Variants in FGF12 observed in about 807,000 individuals in gnomAD.
FGF12 encodes the protein fibroblast growth factor 12, also known as fibroblast growth factor 12B.
FGF12 carries 14 observed loss-of-function variants against 23.6 expected under a neutral mutation model. The ratio of observed to expected loss-of-function variants is 0.59; its 90% CI spans 0.39 to 0.93. FGF12 has a LOEUF of 0.93. FGF12 is among the 40% of genes least tolerant of loss of function. The pLI, the probability that FGF12 is intolerant of heterozygous loss-of-function variation, is 0.00. For synonymous variants in FGF12, 62 were observed against 77.3 expected, an observed-to-expected ratio of 0.80 and a Z score of 1.04; for missense variants, 175 against 217.8, an observed-to-expected ratio of 0.80 and a Z score of 1.24.
intron 4 of FGF12, among the ~76,000 whole-genome samples, chr3:192,327,428 T>C (rs746943180): frequency 6.6e-6 from 1 of 151,854 alleles, no homozygotes; most frequent in Non-Finnish European, 1.5e-5. Flanking sequence ...AAAAACTGTG[T>C]TCGCACAATT....
At chr3:192,229,934 T>C (rs911089910) in intron 4 of FGF12, among the ~76,000 whole-genome samples, 7 of 150,808 alleles carry the variant, frequency 4.6e-5, no homozygotes, top group African/African-American at 1.2e-4. Context: ...CTTTACATAA[T>C]TGTTGTAAAA....
chr3:192,476,664 A>G (rs970402297), intron 2 of FGF12, among the ~76,000 whole-genome samples: 1 of 152,234 alleles, frequency 6.6e-6, no homozygotes, highest in Non-Finnish European at 1.5e-5. Flanking sequence ...GAGAACAAAG[A>G]AGCAAAATGG....
At chr3:192,170,410 T>TCAA in intron 5 of FGF12, 48 bp downstream of exon 5, 1 of 1,520,398 alleles carries the variant, frequency 6.6e-7, no homozygotes, top group Non-Finnish European at 9.1e-7. Context: ...AGAATTGATG[T>TCAA]CAACACACAG....
At chr3:192,673,395 A>G (rs980106403) in intron 2 of FGF12, 11 of 151,292 alleles carry the variant, frequency 7.3e-5, no homozygotes, top group African/African-American at 2.2e-4. Flanking sequence ...ATTGTATTTT[A>G]TTTTAGGTTC....
chr3:192,472,834 A>G (rs1451301259), intron 2 of FGF12, among the ~76,000 whole-genome samples: 1 of 152,114 alleles, frequency 6.6e-6, no homozygotes, highest in South Asian at 2.1e-4. Context: ...CTGTGTCTCC[A>G]TGATTTCGAG....
intron 4 of FGF12, among the ~76,000 whole-genome samples, chr3:192,323,694 G>C (rs917121686): frequency 6.6e-6 from 1 of 152,156 alleles, no homozygotes; most frequent in African/African-American, 2.4e-5. Flanking sequence ...ACCTAAAAGA[G>C]TATAATTGAA....
chr3:192,158,350 CTTTCTT>C (rs745696543), intron 5 of FGF12, among the ~76,000 whole-genome samples: 1 of 96,196 alleles, frequency 1.0e-5, no homozygotes, highest in Non-Finnish European at 2.2e-5. Context: ...TTCTTTCTTT[CTTTCTT>C]TCTTTCTTTC....
Position 192,408,282 on chromosome 3 carries a change from G to A in FGF12, c.14-47744C>T, listed in dbSNP as rs113738327. On this transcript the variant is annotated intron_variant, in intron 2 of 5. Transcript: ENST00000445105. The surrounding 1 kb of genome is among the most constrained non-coding windows in gnomAD (Gnocchi z 7.3). Reference sequence around the variant, plus strand: ...TACTGCGCCCTCCGGCTTGCGCTCCGCCGGGGCGAGGGCAGGACCTGGGCG... The same window carrying A: ...TACTGCGCCCTCCGGCTTGCGCTCCACCGGGGCGAGGGCAGGACCTGGGCG... The A allele has an allele frequency of 3.9e-4, 585 of 1,494,468 alleles. 2 individuals carry two copies. The African/African-American group carries it at 7.5e-3, about 19-fold the overall frequency. 92.6% of individuals were successfully genotyped at this position (1,494,468 alleles called of 1,614,324 possible). A position where few individuals can be genotyped will look rare whatever the true frequency, so the allele number is the denominator to read the frequency against.
Position 192,563,997 on chromosome 3 carries a change from G to A in FGF12, c.13+163184C>T, listed in dbSNP as rs921532623. On this transcript the variant is annotated intron_variant, in intron 2 of 5. Coordinates refer to ENST00000445105, the MANE Select transcript of FGF12 (RefSeq NM_004113.6). ...AGTGTTCAACCTGTCCATATATTAG[G>A]AGGCACCAAGGCTTAAAATTAGACT... Among the ~76,000 whole-genome samples the A allele has an allele frequency of 3.3e-5, 5 of 152,108 alleles. No homozygotes were observed. The East Asian group carries it at 9.7e-4, about 29-fold the overall frequency.
intron 2 of FGF12, among the ~76,000 whole-genome samples, chr3:192,405,657 C>A (rs144360536): frequency 0.017 from 2,390 of 138,848 alleles, 71 homozygotes; most frequent in African/African-American, 0.058. Context: ...AAAACAGATT[C>A]GAATAGTTTT....
At chr3:192,625,718 A>T (rs969820936) in intron 2 of FGF12, among the ~76,000 whole-genome samples, 2 of 152,208 alleles carry the variant, frequency 1.3e-5, no homozygotes, top group Non-Finnish European at 2.9e-5. Context: ...AGGTGTCTAG[A>T]TTATCCCAAA....
At chr3:192,340,867 AC>A (rs1717657903) in intron 3 of FGF12, among the ~76,000 whole-genome samples, 1 of 152,174 alleles carries the variant, frequency 6.6e-6, no homozygotes, top group Admixed American at 6.5e-5. Context: ...TAGGAAAAAA[AC>A]ATAGGGGAAA....
At position 192,229,728 on chromosome 3, in the gene FGF12, T is replaced by C. The variant is rs73887263; in HGVS notation, c.229-59072A>G. 2.4e-3 allele frequency among the ~76,000 whole-genome samples: 361 copies of C among 152,184 alleles called. 2 individuals carry two copies. Among genetic ancestry groups the C allele is most frequent in the African/African-American group, 8.6e-3 (359 of 41,560 alleles). ...AAGTAATTTGAATGGTCATGGAAAA[T>C]AAACTAGCTGAACTACATGCTATTC... On this transcript the variant is annotated intron_variant, in intron 4 of 5. Coordinates refer to ENST00000445105, the MANE Select transcript of FGF12 (RefSeq NM_004113.6).
At chr3:192,287,686 T>G (rs576246663) in intron 4 of FGF12, among the ~76,000 whole-genome samples, 1 of 152,128 alleles carries the variant, frequency 6.6e-6, no homozygotes, top group African/African-American at 2.4e-5. Flanking sequence ...TTCATCTAGA[T>G]TCCAAGTTCA....
At chr3:192,234,353 A>G (rs919060278) in intron 4 of FGF12, among the ~76,000 whole-genome samples, 2 of 151,966 alleles carry the variant, frequency 1.3e-5, no homozygotes, top group African/African-American at 4.8e-5. Flanking sequence ...GCTGCCAGCT[A>G]TTGTTGAGCT....
intron 4 of FGF12, among the ~76,000 whole-genome samples, chr3:192,240,305 G>T (rs1472843201): frequency 6.6e-6 from 1 of 152,044 alleles, no homozygotes; most frequent in African/African-American, 2.4e-5. Flanking sequence ...TTCAAGAAAA[G>T]ATAAATCAAT....
At chr3:192,256,373 G>GCA (rs35813494) in intron 4 of FGF12, among the ~76,000 whole-genome samples, 51 of 150,334 alleles carry the variant, frequency 3.4e-4, no homozygotes, top group South Asian at 2.7e-3. Context: ...TACTCATACC[G>GCA]CACACACACA....
chr3:192,213,772 G>A (rs574351514), intron 4 of FGF12, among the ~76,000 whole-genome samples: 2 of 152,290 alleles, frequency 1.3e-5, no homozygotes, highest in African/African-American at 4.8e-5. Flanking sequence ...CTACTCACAG[G>A]CCTGTGATTC....
At chr3:192,527,685 T>C (rs1437521882) in intron 2 of FGF12, among the ~76,000 whole-genome samples, 1 of 152,174 alleles carries the variant, frequency 6.6e-6, no homozygotes, top group Non-Finnish European at 1.5e-5. Flanking sequence ...TATTTGTACA[T>C]ATTTATGGGT....
Sources: allele counts gnomAD v4.1 joint callset (sites outside exome capture counted in the v4.1 genomes callset), GRCh38; gene constraint gnomAD v4.1.1; non-coding constraint Gnocchi (gnomAD v3.1); transcripts MANE v1.5; gene names NCBI Gene and HGNC (gene_info 2026-07-23, HGNC 2026-07-21).